The following ABCA1 variants were observed in gnomAD, a reference collection of about 807,000 sequenced individuals.
ABCA1 encodes ATP binding cassette subfamily A member 1, also known as phospholipid-transporting ATPase ABCA1.
Under a neutral mutation model 262.5 loss-of-function variants are expected in ABCA1, and 133 were observed. The observed-to-expected ratio is 0.51, with a 90% CI of 0.44 to 0.59. The LOEUF (loss-of-function observed/expected upper bound fraction) is 0.59, where lower values mean the gene tolerates loss of function less well. Among genes scored for constraint, ABCA1 ranks in the 20% least tolerant of loss-of-function variants. The probability of loss-of-function intolerance (pLI) is 0.00; values close to 1 mark genes in which losing one functional copy is unlikely to be tolerated. For synonymous variants in ABCA1, 1,022 were observed against 1,043.5 expected (o/e 0.98, Z 0.40); for missense variants, 2,452 against 2,777.5 (o/e 0.88, Z 2.63).
intron 49 of ABCA1, 26 bp downstream of exon 49, chr9:104,785,370 A>T (rs773753269): frequency 2.5e-6 from 4 of 1,613,520 alleles, no homozygotes; most frequent in Admixed American, 1.7e-5. Context: ...CTGAGAAGTA[A>T]ATCTGTTTTG....
intron 9 of ABCA1, among the ~76,000 whole-genome samples, chr9:104,838,705 A>G (rs139296375): frequency 3.9e-5 from 6 of 152,280 alleles, no homozygotes; most frequent in South Asian, 2.1e-4. Flanking sequence ...GTAACAGACA[A>G]ATGGGTTTGG....
At chr9:104,796,516 A>G (rs1366225813) in intron 37 of ABCA1, 92 bp from the exon 38 acceptor site, 1 of 912,720 alleles carries the variant, frequency 1.1e-6, no homozygotes, top group Non-Finnish European at 1.8e-6. Flanking sequence ...AAGAAAGGGC[A>G]GATAAACATA....
At chr9:104,829,507 C>T (rs1391251026) in intron 14 of ABCA1, among the ~76,000 whole-genome samples, 2 of 152,208 alleles carry the variant, frequency 1.3e-5, no homozygotes, top group Admixed American at 6.5e-5. Flanking sequence ...TATTGACTTG[C>T]TTATCGTAAC....
chr9:104,865,308 T>A (rs1052847473), intron 5 of ABCA1, among the ~76,000 whole-genome samples: 4 of 152,008 alleles, frequency 2.6e-5, no homozygotes, highest in Non-Finnish European at 5.9e-5. Context: ...GCAGATCACT[T>A]GAGGTCAGGA....
chr9:104,897,505 A>G (rs532464464), intron 2 of ABCA1, among the ~76,000 whole-genome samples: 1 of 152,384 alleles, frequency 6.6e-6, no homozygotes, highest in Non-Finnish European at 1.5e-5. Flanking sequence ...GTTTGAACTT[A>G]TAAAAACTGT....
intron 39 of ABCA1, 94 bp from the exon 40 acceptor site, chr9:104,794,604 G>A (rs1829728962): frequency 1.4e-6 from 2 of 1,462,452 alleles, no homozygotes; most frequent in Non-Finnish European, 1.8e-6. Context: ...ATCAAGTTCT[G>A]AAATATGGGA....
chr9:104,806,108 A>C, intron 31 of ABCA1, 133 bp downstream of exon 31: 1 of 1,019,526 alleles, frequency 9.8e-7, no homozygotes, highest in Non-Finnish European at 1.4e-6. Flanking sequence ...CCGCCTCAGA[A>C]AAAAAAACAA....
In ABCA1 at chr9:104,809,452, A is replaced by G. The variant is rs781049063; in HGVS notation, c.4274+14T>C. The G allele has an allele frequency of 2.5e-5, 41 of 1,613,254 alleles. No homozygotes were observed. Among genetic ancestry groups the G allele is most frequent in the Non-Finnish European group, 3.2e-5 (38 of 1,179,302 alleles). ...AAGCACAAGAAGCCTGCTTATGGCT[A>G]AAGTGGCACTCACGGGATTGGGTTT... On this transcript the variant is annotated intron_variant, in intron 30 of 49. Transcript: ENST00000374736.
intron 6 of ABCA1, 74 bp downstream of exon 6, chr9:104,861,605 A>G (rs1836391792): frequency 6.3e-7 from 1 of 1,591,018 alleles, no homozygotes; most frequent in East Asian, 2.2e-5. Context: ...ACAAGGGTTT[A>G]TTCATTTCTT....
Position 104,783,781 on chromosome 9 carries a change from A to G in ABCA1, c.*534T>C, listed in dbSNP as rs1431511838. ...GCTTTCACAAAAGTGAGCATGACAC[A>G]CCATGGTGCTTCAAACTTTCTGAAA... On this transcript the variant is annotated 3_prime_UTR_variant, in exon 50 of 50. Transcript: ENST00000374736. The G allele has an allele frequency of 6.1e-6, 1 of 163,558 alleles. No individual in the cohort carries two copies. The highest frequency in any genetic ancestry group is 1.7e-4 in the East Asian group (1 of 5,778). 10.1% of individuals were successfully genotyped at this position (163,558 alleles called of 1,614,324 possible). A position where few individuals can be genotyped will look rare whatever the true frequency, so the allele number is the denominator to read the frequency against.
chr9:104,827,296 TTCA>T, intron 15 of ABCA1, 127 bp from the exon 16 acceptor site: 1 of 815,870 alleles, frequency 1.2e-6, no homozygotes. Flanking sequence ...CGTAATGCTG[TTCA>T]TCTTTCTGAT....
intron 6 of ABCA1, 115 bp from the exon 7 acceptor site, chr9:104,858,813 A>T: frequency 9.3e-7 from 1 of 1,073,712 alleles, no homozygotes; most frequent in Non-Finnish European, 1.4e-6. Context: ...AGATCTTAAA[A>T]CAGGTTCCAT....
chr9:104,816,395 G>A lies in ABCA1; in HGVS notation c.3536-50C>T, dbSNP rs112338016. ...GGCTCAATCAACTCAGAGGGGCTTC[G>A]GAGTGAGGGCTGGCCATCCCCCACC... is the stretch of plus-strand genomic sequence containing the variant. On this transcript the variant is annotated intron_variant, in intron 24 of 49. Transcript: ENST00000374736. 5,237 of 1,572,368 alleles carry A rather than the reference G, an allele frequency of 3.3e-3. 59 individuals carry two copies. In the African/African-American group the frequency reaches 0.034, roughly 10 times the overall value.
At chr9:104,912,582 T>G (rs1841565147) in intron 1 of ABCA1, among the ~76,000 whole-genome samples, 1 of 152,294 alleles carries the variant, frequency 6.6e-6, no homozygotes, top group East Asian at 1.9e-4. Flanking sequence ...AGATCTGTCC[T>G]GTACCCCAAG....
chr9:104,926,474 A>ACC (rs201952658), intron 1 of ABCA1, among the ~76,000 whole-genome samples: 1 of 143,120 alleles, frequency 7.0e-6, no homozygotes, highest in African/African-American at 2.5e-5. Context: ...AAAAAACAAA[A>ACC]AAAAAAAAAC....
intron 1 of ABCA1, among the ~76,000 whole-genome samples, chr9:104,926,657 G>C (rs1205915887): frequency 6.6e-6 from 1 of 152,130 alleles, no homozygotes; most frequent in Non-Finnish European, 1.5e-5. Context: ...CAGCCCGCGC[G>C]CCCAGCACCC....
chr9:104,853,643 G>A (rs925452402), intron 7 of ABCA1, among the ~76,000 whole-genome samples: 1 of 151,942 alleles, frequency 6.6e-6, no homozygotes, highest in Non-Finnish European at 1.5e-5. Flanking sequence ...GATTTTTTTC[G>A]ATGAATGTCT....
intron 46 of ABCA1, 84 bp from the exon 47 acceptor site, chr9:104,787,060 T>A: frequency 8.7e-7 from 1 of 1,151,964 alleles, no homozygotes; most frequent in Non-Finnish European, 1.3e-6. Context: ...GAAGCATCTT[T>A]GAAACAGCTT....
intron 9 of ABCA1, among the ~76,000 whole-genome samples, chr9:104,838,835 G>A (rs964571903): frequency 6.6e-6 from 1 of 151,124 alleles, no homozygotes; most frequent in African/African-American, 2.4e-5. Flanking sequence ...TAATGAGGAT[G>A]CCCTCACAAT....
Sources: gnomAD v4.1 joint callset for allele counts (sites outside exome capture counted in the v4.1 genomes callset) on GRCh38, gnomAD v4.1.1 for gene constraint, MANE v1.5 for transcripts, NCBI Gene and HGNC (gene_info 2026-07-23, HGNC 2026-07-21) for gene names.